COG8: variants seen among roughly 807,000 people sequenced by gnomAD.
COG8 encodes the protein component of oligomeric golgi complex 8.
A neutral mutation model predicts 46.5 loss-of-function variants in COG8; 45 were observed. That is an observed-to-expected ratio of 0.97 (90% CI 0.76 to 1.24). COG8 has a LOEUF of 1.24. Ranked by LOEUF, COG8 falls within the 50% of genes most tolerant of loss-of-function variation. The probability of loss-of-function intolerance (pLI) is 0.00; values close to 1 mark genes in which losing one functional copy is unlikely to be tolerated. For synonymous variants in COG8, 407 were observed against 347.8 expected (o/e 1.17, Z -1.90); for missense variants, 793 against 820.8 (o/e 0.97, Z 0.41).
chr16:69,330,122 A>AG, intron 5 of COG8: 4 of 1,582,448 alleles, frequency 2.5e-6, no homozygotes, highest in Non-Finnish European at 2.6e-6. Flanking sequence ...GAACACGCGC[A>AG]GGGGGAAGGG....
At chr16:69,337,274 C>G (rs1460493628) in intron 1 of COG8, among the ~76,000 whole-genome samples, 1 of 145,154 alleles carries the variant, frequency 6.9e-6, no homozygotes, top group Non-Finnish European at 1.5e-5. Context: ...AAGCAAGACT[C>G]CGTCTCAAAA....
intron 3 of COG8, among the ~76,000 whole-genome samples, chr16:69,334,169 C>A (rs1237700259): frequency 6.6e-6 from 1 of 152,194 alleles, no homozygotes; most frequent in Non-Finnish European, 1.5e-5. Context: ...CCCTGTAAGA[C>A]CCTGAGCAGA....
intron 1 of COG8, among the ~76,000 whole-genome samples, chr16:69,337,382 G>A (rs2012263461): frequency 6.6e-6 from 1 of 151,852 alleles, no homozygotes; most frequent in Non-Finnish European, 1.5e-5. Flanking sequence ...TTGAAACAGA[G>A]CGAATGCGTC....
In COG8 at chr16:69,327,126, C is replaced by A. The variant is rs1221054569; in HGVS notation, c.*2080G>T. On this transcript the variant is annotated 3_prime_UTR_variant, in exon 6 of 6. Coordinates refer to ENST00000306875, the MANE Select transcript of COG8 (RefSeq NM_032382.5). The stretch of plus-strand genomic sequence containing the variant: ...CTACAAATCTCCCCATTGGCTGCAT[C>A]TCTGACCTTGCACCAGTATCTGGTT... 6.7e-6 allele frequency: 1 copy of A among 148,588 alleles called. No homozygotes were observed. Among genetic ancestry groups the A allele is most frequent in the Non-Finnish European group, 1.5e-5 (1 of 67,472 alleles). The allele number at this position is 148,588 out of a possible 1,614,324, so 9.2% of individuals were successfully genotyped here.
intron 1 of COG8, 36 bp downstream of exon 1, chr16:69,339,140 A>G: frequency 3.7e-6 from 6 of 1,612,722 alleles, no homozygotes; most frequent in Non-Finnish European, 5.1e-6. Context: ...CAGCTTTTAC[A>G]GTTATAAAAC....
intron 3 of COG8, among the ~76,000 whole-genome samples, chr16:69,334,042 G>A (rs897687968): frequency 6.6e-6 from 1 of 152,148 alleles, no homozygotes; most frequent in Non-Finnish European, 1.5e-5. Flanking sequence ...CAGCCTCTAG[G>A]AGCTGAGGCT....
chr16:69,330,115 C>A, intron 5 of COG8: 4 of 1,585,190 alleles, frequency 2.5e-6, no homozygotes, highest in Non-Finnish European at 2.6e-6. Context: ...GGTTCACGAA[C>A]ACGCGCAGGG....
chr16:69,330,738 C>T (rs1399601554), intron 5 of COG8, 75 bp downstream of exon 5: 14 of 1,429,776 alleles, frequency 9.8e-6, no homozygotes, highest in Non-Finnish European at 1.1e-5. Context: ...GGAGCGCCTT[C>T]CCGCCTCCCG....
intron 1 of COG8, among the ~76,000 whole-genome samples, chr16:69,337,532 G>A (rs1191701395): frequency 6.6e-6 from 1 of 152,144 alleles, no homozygotes; most frequent in East Asian, 1.9e-4. Context: ...TTCAACCATA[G>A]TTCCTGCCAC....
chr16:69,334,673 C>A lies in COG8; in HGVS notation c.1261G>T (p.Gly421Trp), dbSNP rs2012085232. The A allele has an allele frequency of 1.1e-5, 17 of 1,614,200 alleles. No homozygotes were observed. Among genetic ancestry groups the A allele is most frequent in the Non-Finnish European group, 1.4e-5 (17 of 1,180,034 alleles). Reference protein sequence around the residue: ...MPAAVPATQPGTLQPPMVLLD... With the variant: ...MPAAVPATQPWTLQPPMVLLD... ...AGCACCATGGGTGGCTGCAGCGTCCCCGGCTGGGTGGCTGGCACAGCAGCA... is the reference window on the plus strand; with the variant it reads ...AGCACCATGGGTGGCTGCAGCGTCCACGGCTGGGTGGCTGGCACAGCAGCA... The change falls in exon 3 of 6, where the codon GGG becomes TGG. Residue 421 changes from glycine (G) to tryptophan (W), a missense_variant. By Grantham distance (184) the Gly-to-Trp change is radical. Transcript: ENST00000306875.
rs548002506 is a variant in COG8, at chr16:69,330,937, G to T, written c.1741C>A (p.Pro581Thr). 1,362 of 1,560,794 alleles carry T rather than the reference G, an allele frequency of 8.7e-4. 22 individuals are homozygous for T. The South Asian group carries it at 0.011, about 13-fold the overall frequency. The stretch of plus-strand genomic sequence containing the variant: ...TCCAGGCGTGGCTCCTCGGCGGGAG[G>T]CTCTGGTGCTGGAGCTGTGAGCTCG... The part of the protein sequence containing the change: ...GPELTAPAPE[P>T]PAEEPRLEPA... Residue 581 changes from proline (P) to threonine (T), a missense_variant, in exon 5 of 6, where the codon CCT becomes ACT. Physicochemically the swap from Pro to Thr is conservative, Grantham distance 38. Transcript: ENST00000306875.
chr16:69,331,586 T>G (rs2011850862), intron 4 of COG8, among the ~76,000 whole-genome samples: 1 of 148,960 alleles, frequency 6.7e-6, no homozygotes, highest in African/African-American at 2.5e-5. Flanking sequence ...CACTGCAACC[T>G]CTGCCTCCCA....
rs1965675024 is a variant in COG8, at chr16:69,328,651, G to A, written c.*555C>T. ...TCACATGCTTACCTGCATTTTTAAA[G>A]ACAGCTTTCAGGTATTTGGGGACTA... On this transcript the variant is annotated 3_prime_UTR_variant, in exon 6 of 6. Coordinates refer to ENST00000306875, the MANE Select transcript of COG8 (RefSeq NM_032382.5). The A allele has an allele frequency of 4.8e-6, 1 of 208,294 alleles. No homozygotes were observed. Among genetic ancestry groups the A allele is most frequent in the Admixed American group, 6.3e-5 (1 of 15,812 alleles). The allele number at this position is 208,294 out of a possible 1,614,324, so 12.9% of individuals were successfully genotyped here. A position where few individuals can be genotyped will look rare whatever the true frequency, so the allele number is the denominator to read the frequency against.
Position 69,328,971 on chromosome 16 carries a change from G to C in COG8, c.*235C>G. On this transcript the variant is annotated 3_prime_UTR_variant, in exon 6 of 6. Coordinates refer to ENST00000306875, the MANE Select transcript of COG8 (RefSeq NM_032382.5). ...AAGTAAGATTTGCCCAGCTCAAAGTGAAAGTGTTTGCGTCTTGGTATCCGG... is the reference window on the plus strand; with the variant it reads ...AAGTAAGATTTGCCCAGCTCAAAGTCAAAGTGTTTGCGTCTTGGTATCCGG... The C allele has an allele frequency of 3.8e-6, 6 of 1,577,646 alleles. No individual in the cohort carries two copies. Among genetic ancestry groups the C allele is most frequent in the Non-Finnish European group, 4.3e-6 (5 of 1,170,220 alleles).
intron 1 of COG8, 104 bp from the exon 2 acceptor site, chr16:69,336,816 G>GATTT: frequency 9.9e-7 from 1 of 1,012,428 alleles, no homozygotes; most frequent in Non-Finnish European, 1.5e-6. Flanking sequence ...TGATCTATCT[G>GATTT]ATTTATTCCT....
chr16:69,334,599 G>A lies in COG8; in HGVS notation c.1335C>T (p.Ala445=), dbSNP rs1316442311. 1 of 1,614,220 alleles carries A rather than the reference G, an allele frequency of 6.2e-7. No homozygotes were observed. The highest frequency in any genetic ancestry group is 8.5e-7 in the Non-Finnish European group (1 of 1,180,052). The change falls in exon 3 of 6, where the codon GCC becomes GCT. Residue 445 remains alanine (A), a synonymous_variant. Coordinates refer to ENST00000306875, the MANE Select transcript of COG8 (RefSeq NM_032382.5). ...LACFLNNILV[A]FNDLRLCCPV... ...GGCAGCAGAGGCGCAGATCATTGAA[G>A]GCAACCAGAATATTGTTGAGAAAGC...
intron 1 of COG8, among the ~76,000 whole-genome samples, chr16:69,337,589 A>G (rs2012276343): frequency 6.6e-6 from 1 of 152,220 alleles, no homozygotes; most frequent in East Asian, 1.9e-4. Flanking sequence ...CTGCTTTATC[A>G]AGTCCCCTAT....
At chr16:69,332,686 G>A in intron 4 of COG8, 28 bp downstream of exon 4, 2 of 1,591,388 alleles carry the variant, frequency 1.3e-6, no homozygotes, top group East Asian at 4.5e-5. Flanking sequence ...CATCAGTAAG[G>A]CAGTTTACAG....
At position 69,332,737 on chromosome 16, in the gene COG8, G is replaced by A. The variant is rs187701280; in HGVS notation, c.1559C>T (p.Pro520Leu). The change falls in exon 4 of 6, where the codon CCA (proline) becomes CTA (leucine). Residue 520 changes from proline (P) to leucine (L), a missense_variant. Physicochemically the swap from Pro to Leu is moderately conservative, Grantham distance 98. Coordinates refer to ENST00000306875, the MANE Select transcript of COG8 (RefSeq NM_032382.5). ...LNRCLQVLFP[P>L]AQIAQTLGIP... ...ACCTAAAGTCTGTGCTATCTGAGCT[G>A]GTGGAAAAAGGACTTGGAGACAGCG... is the stretch of plus-strand genomic sequence containing the variant. 2 of 1,614,156 alleles carry A rather than the reference G, an allele frequency of 1.2e-6. No individual in the cohort carries two copies.
Sources: allele counts gnomAD v4.1 joint callset (sites outside exome capture counted in the v4.1 genomes callset), GRCh38; gene constraint gnomAD v4.1.1; transcripts MANE v1.5; gene names NCBI Gene and HGNC (gene_info 2026-07-23, HGNC 2026-07-21).